Variants in LPCAT3 observed in about 807,000 individuals in gnomAD.
The protein encoded by LPCAT3 is lysophosphatidylcholine acyltransferase 3, also known as lysophospholipid acyltransferase 5.
Under a neutral mutation model 63.4 loss-of-function variants are expected in LPCAT3, and 21 were observed. The ratio of observed to expected loss-of-function variants is 0.33; its 90% CI spans 0.23 to 0.48. The LOEUF is 0.48. Ranked by LOEUF, LPCAT3 falls within the 20% of genes least tolerant of loss-of-function variation. LPCAT3 has a pLI of 0.99. For synonymous variants in LPCAT3, 242 were observed against 227.5 expected (o/e 1.06, Z -0.58); for missense variants, 451 against 590.6 (o/e 0.76, Z 2.45).
chr12:7,000,550 T>C (rs1231644314), intron 1 of LPCAT3, among the ~76,000 whole-genome samples: 8,159 of 121,246 alleles, frequency 0.067, 345 homozygotes, highest in African/African-American at 0.098. Flanking sequence ...ATCACGCCAC[T>C]GCACTCCAGC....
intron 1 of LPCAT3, among the ~76,000 whole-genome samples, chr12:6,984,732 G>A (rs111470394): frequency 0.014 from 2,075 of 152,142 alleles, 51 homozygotes; most frequent in African/African-American, 0.046. Flanking sequence ...GACCACAGGT[G>A]CTTGCCACCA....
At chr12:7,015,923 T>A (rs1265164687) in intron 1 of LPCAT3, among the ~76,000 whole-genome samples, 2 of 152,214 alleles carry the variant, frequency 1.3e-5, no homozygotes, top group South Asian at 4.1e-4. Flanking sequence ...TATGTGATTA[T>A]GTCAACAAAC....
At chr12:6,990,583 C>T (rs1210631461) in intron 1 of LPCAT3, among the ~76,000 whole-genome samples, 1 of 150,052 alleles carries the variant, frequency 6.7e-6, no homozygotes, top group Non-Finnish European at 1.5e-5. Flanking sequence ...CCCCAAACAA[C>T]TTTTGTTAAT....
intron 1 of LPCAT3, among the ~76,000 whole-genome samples, chr12:6,989,533 C>CAG: frequency 6.6e-6 from 1 of 151,978 alleles, no homozygotes; most frequent in East Asian, 1.9e-4. Flanking sequence ...CTCCTGACCT[C>CAG]GTGATCCGCC....
At chr12:7,002,139 C>G (rs1193886811) in intron 1 of LPCAT3, among the ~76,000 whole-genome samples, 2 of 152,122 alleles carry the variant, frequency 1.3e-5, no homozygotes, top group Non-Finnish European at 2.9e-5. Flanking sequence ...CAGGACTCAG[C>G]CCCCAGTTCC....
rs1377887396 is a variant in LPCAT3, at chr12:6,977,968, C to T, written c.1041-223G>A. The T allele has an allele frequency of 6.9e-6, 4 of 582,694 alleles. No individual in the cohort carries two copies. Among genetic ancestry groups the T allele is most frequent in the Non-Finnish European group, 1.2e-5 (4 of 329,786 alleles). The allele number at this position is 582,694 out of a possible 1,614,324, so 36.1% of individuals were successfully genotyped here. ...TGTGCGCACGAGCCACTTGGTTCAG[C>T]AGCAGTGACTGAGGCTGATGCTGAG... is the stretch of plus-strand genomic sequence containing the variant. On this transcript the variant is annotated intron_variant, in intron 9 of 12. Transcript: ENST00000261407. This position sits in a 1 kb window ranked among gnomAD's most constrained non-coding sequence, Gnocchi z 4.5.
intron 1 of LPCAT3, among the ~76,000 whole-genome samples, chr12:7,004,206 G>A (rs1555156725): frequency 6.6e-6 from 1 of 152,088 alleles, no homozygotes; most frequent in Non-Finnish European, 1.5e-5. Context: ...TTTTCACAAA[G>A]AAAAATTTGT....
intron 1 of LPCAT3, among the ~76,000 whole-genome samples, chr12:6,985,160 G>C (rs1274859142): frequency 6.7e-6 from 1 of 149,562 alleles, no homozygotes; most frequent in Non-Finnish European, 1.5e-5. Context: ...GGGAGGCTGA[G>C]ACGGGCGGAT....
At position 7,018,215 on chromosome 12, in the gene LPCAT3, T is replaced by C; in HGVS notation, c.151+59A>G. 6.5e-7 allele frequency: 1 copy of C among 1,547,510 alleles called. No homozygotes were observed. Among genetic ancestry groups the C allele is most frequent in the Non-Finnish European group, 8.8e-7 (1 of 1,141,830 alleles). ...GGAAGAGAGGGAGGTCCTGTCCCCA[T>C]TCCTCCCCTACTCCCCGGGGACTCC... On this transcript the variant is annotated intron_variant, in intron 1 of 12. Coordinates refer to ENST00000261407, the MANE Select transcript of LPCAT3 (RefSeq NM_005768.6). This position sits in a 1 kb window ranked among gnomAD's most constrained non-coding sequence, Gnocchi z 4.9.
intron 1 of LPCAT3, among the ~76,000 whole-genome samples, chr12:7,006,261 C>T (rs1037223436): frequency 2.0e-5 from 3 of 152,192 alleles, no homozygotes; most frequent in Admixed American, 6.5e-5. Context: ...TGTTTTCTCC[C>T]AGGCTATAGT....
intron 5 of LPCAT3, 200 bp downstream of exon 5, chr12:6,981,395 T>G (rs1555154046): frequency 1.4e-6 from 1 of 698,994 alleles, no homozygotes; most frequent in African/African-American, 1.8e-5. Flanking sequence ...GGCATTGATC[T>G]CTGGACTTTG....
chr12:6,993,959 G>A (rs1555155795), intron 1 of LPCAT3, among the ~76,000 whole-genome samples: 1 of 151,962 alleles, frequency 6.6e-6, no homozygotes, highest in East Asian at 1.9e-4. Flanking sequence ...ACAAACAACT[G>A]GGTTGTTTCC....
In LPCAT3 at chr12:6,981,868, C is replaced by T. The variant is rs782313558; in HGVS notation, c.403G>A (p.Gly135Ser). The T allele has an allele frequency of 1.4e-5, 22 of 1,613,550 alleles. No homozygotes were observed. The highest frequency in any genetic ancestry group is 6.7e-5 in the African/African-American group (5 of 74,896). The stretch of plus-strand genomic sequence containing the variant: ...ATTGTCCACTTGATATCGTAGTTGC[C>T]GGTGGCAGTGTAATAGTATCCAGCC... ...LLAGYYYTAT[G>S]NYDIKWTMPH... Residue 135 changes from glycine (G) to serine (S), a missense_variant, in exon 4 of 13, where the codon GGC becomes AGC. Coordinates refer to ENST00000261407, the MANE Select transcript of LPCAT3 (RefSeq NM_005768.6).
At chr12:7,001,342 T>C (rs1215605168) in intron 1 of LPCAT3, 3 of 434,540 alleles carry the variant, frequency 6.9e-6, no homozygotes, top group Non-Finnish European at 1.4e-5. Context: ...AAAGAAGATA[T>C]CCAAGATTGT....
intron 1 of LPCAT3, among the ~76,000 whole-genome samples, chr12:6,997,617 G>A (rs373848449): frequency 1.0e-4 from 14 of 134,288 alleles, no homozygotes; most frequent in African/African-American, 4.0e-4. Flanking sequence ...ATGGAGTTTC[G>A]CTCTTGTTGC....
In LPCAT3 at chr12:6,980,548, GTC is replaced by G. The variant is rs140370744; in HGVS notation, c.677+454_677+455del. On this transcript the variant is annotated intron_variant, in intron 6 of 12. Transcript: ENST00000261407. Reference sequence around the variant, plus strand: ...TTTTGTATTTTTTTGTAGAGACAGAGTCTCTCTATGTTGCCAGGCTGGTCTAG... The same window carrying G: ...TTTTGTATTTTTTTGTAGAGACAGAGTCTCTATGTTGCCAGGCTGGTCTAG... Among the ~76,000 whole-genome samples the G allele has an allele frequency of 4.2e-4, 63 of 151,804 alleles. 3 individuals carry two copies. The East Asian group carries it at 0.012, about 29-fold the overall frequency.
At chr12:6,994,233 A>T (rs1946615544) in intron 1 of LPCAT3, among the ~76,000 whole-genome samples, 1 of 151,874 alleles carries the variant, frequency 6.6e-6, no homozygotes, top group African/African-American at 2.4e-5. Context: ...TTTGGGACAG[A>T]GTCTCTCTGT....
rs782009497 is a variant in LPCAT3, at chr12:6,990,199, A to C, written c.152-6660T>G. 2.0e-5 allele frequency among the ~76,000 whole-genome samples: 3 copies of C among 148,554 alleles called. No homozygotes were observed. In the East Asian group the frequency reaches 6.1e-4, roughly 30 times the overall value. On this transcript the variant is annotated intron_variant, in intron 1 of 12. Transcript: ENST00000261407. ...TGAGACCCTGTCTCAAAAATAAATA[A>C]ATAAATAAATAAAAATAAAAAAAAT... is the stretch of plus-strand genomic sequence containing the variant.
At chr12:6,981,228 C>CGG (rs1555154031) in intron 5 of LPCAT3, 46 bp from the exon 6 acceptor site, 2 of 1,481,552 alleles carry the variant, frequency 1.3e-6, no homozygotes, top group African/African-American at 2.8e-5. Flanking sequence ...CTTGAATCTC[C>CGG]CCACAAGAGC....
Sources: gnomAD v4.1 joint callset for allele counts (sites outside exome capture counted in the v4.1 genomes callset) on GRCh38, gnomAD v4.1.1 for gene constraint, Gnocchi (gnomAD v3.1) non-coding constraint, MANE v1.5 for transcripts, NCBI Gene and HGNC (gene_info 2026-07-23, HGNC 2026-07-21) for gene names.